Variants in FILIP1 observed in about 807,000 individuals in gnomAD.
FILIP1 encodes the protein filamin A interacting protein 1.
In FILIP1, 61 loss-of-function variants were observed where a neutral mutation model predicts 102.1. The observed-to-expected ratio is 0.60, with a 90% CI of 0.49 to 0.74. FILIP1 has a LOEUF of 0.74. Among genes scored for constraint, FILIP1 ranks in the 30% least tolerant of loss-of-function variants. The probability of loss-of-function intolerance (pLI) is 0.00; values close to 1 mark genes in which losing one functional copy is unlikely to be tolerated. For missense variants in FILIP1, 1,314 were observed against 1,441.2 expected (o/e 0.91, Z 1.43); for synonymous variants, 491 against 526.9 (o/e 0.93, Z 0.93).
chr6:75,421,517 C>A (rs1015097044), intron 1 of FILIP1, among the ~76,000 whole-genome samples: 9 of 152,108 alleles, frequency 5.9e-5, no homozygotes, highest in Non-Finnish European at 8.8e-5. Flanking sequence ...AAACTTGAGG[C>A]TGGAACTTCT....
At chr6:75,442,346 C>G (rs1157256367) in intron 1 of FILIP1, among the ~76,000 whole-genome samples, 1 of 152,030 alleles carries the variant, frequency 6.6e-6, no homozygotes, top group East Asian at 1.9e-4. Context: ...ACTTCCCAGA[C>G]GGGGTGGCGG....
chr6:75,479,783 C>T (rs948216975), intron 1 of FILIP1, among the ~76,000 whole-genome samples: 4 of 142,166 alleles, frequency 2.8e-5, no homozygotes, highest in South Asian at 2.3e-4. Context: ...GCATGAGAAT[C>T]GCTTGAATCC....
chr6:75,418,457 A>G (rs1330741158), intron 1 of FILIP1, among the ~76,000 whole-genome samples: 4 of 152,244 alleles, frequency 2.6e-5, no homozygotes, highest in Non-Finnish European at 5.9e-5. Flanking sequence ...CAGGATGTAA[A>G]GTCTGAACAG....
At chr6:75,448,040 C>T (rs1778496115) in intron 1 of FILIP1, among the ~76,000 whole-genome samples, 1 of 151,984 alleles carries the variant, frequency 6.6e-6, no homozygotes, top group Non-Finnish European at 1.5e-5. Flanking sequence ...TAGAATAATA[C>T]CCCCCACATA....
chr6:75,339,769 G>A (rs535750347), intron 4 of FILIP1, among the ~76,000 whole-genome samples: 8 of 152,188 alleles, frequency 5.3e-5, no homozygotes, highest in Non-Finnish European at 8.8e-5. Flanking sequence ...CCAATAGGGC[G>A]AAACCCAGTC....
intron 4 of FILIP1, among the ~76,000 whole-genome samples, chr6:75,323,568 T>A (rs1773733286): frequency 6.6e-6 from 1 of 151,970 alleles, no homozygotes; most frequent in Admixed American, 6.6e-5. Context: ...ACATTTCAGG[T>A]GGTGTTAGAG....
intron 4 of FILIP1, among the ~76,000 whole-genome samples, chr6:75,351,159 C>G (rs907578258): frequency 6.6e-6 from 1 of 152,088 alleles, no homozygotes; most frequent in Non-Finnish European, 1.5e-5. Flanking sequence ...CTCTGCCTCC[C>G]AGGTTCAAGC....
intron 1 of FILIP1, among the ~76,000 whole-genome samples, chr6:75,486,610 C>T (rs575264933): frequency 7.9e-5 from 12 of 152,156 alleles, no homozygotes; most frequent in African/African-American, 2.2e-4. Context: ...TTGAAACTAT[C>T]GAATAGATAA....
At chr6:75,355,863 T>C (rs1048487394) in intron 3 of FILIP1, among the ~76,000 whole-genome samples, 2 of 152,174 alleles carry the variant, frequency 1.3e-5, no homozygotes, top group Non-Finnish European at 2.9e-5. Context: ...CAGTATCCTA[T>C]TTTCCCCCTT....
intron 5 of FILIP1, among the ~76,000 whole-genome samples, chr6:75,310,533 T>G (rs2149543393): frequency 6.6e-6 from 1 of 152,356 alleles, no homozygotes; most frequent in South Asian, 2.1e-4. Context: ...GGTGGACCAT[T>G]CAGAACTTAG....
At chr6:75,319,492 T>G in intron 4 of FILIP1, 2 of 593,224 alleles carry the variant, frequency 3.4e-6, no homozygotes, top group Non-Finnish European at 6.6e-6. Context: ...CAAATTTTCC[T>G]TTCTCTTCAG....
intron 1 of FILIP1, among the ~76,000 whole-genome samples, chr6:75,485,496 G>C (rs182517352): frequency 5.1e-4 from 78 of 152,182 alleles, no homozygotes; most frequent in Middle Eastern, 3.4e-3. Context: ...TCACCTTCCT[G>C]GGATATTCAA....
chr6:75,380,287 A>G (rs1235551763), intron 2 of FILIP1, among the ~76,000 whole-genome samples: 5 of 152,174 alleles, frequency 3.3e-5, no homozygotes, highest in African/African-American at 7.2e-5. Context: ...GTTTACATAT[A>G]TCAGTGAGAA....
At chr6:75,434,239 G>A (rs1777936165) in intron 1 of FILIP1, among the ~76,000 whole-genome samples, 1 of 152,178 alleles carries the variant, frequency 6.6e-6, no homozygotes. Flanking sequence ...GTCATTGGTA[G>A]CTTGATGGGG....
At chr6:75,393,287 A>C (rs1480037871) in intron 2 of FILIP1, among the ~76,000 whole-genome samples, 3 of 152,020 alleles carry the variant, frequency 2.0e-5, no homozygotes, top group Non-Finnish European at 4.4e-5. Flanking sequence ...TTAATAAATA[A>C]AGTTATTCAT....
chr6:75,335,909 T>C (rs757297980), intron 4 of FILIP1, among the ~76,000 whole-genome samples: 1 of 152,204 alleles, frequency 6.6e-6, no homozygotes, highest in Non-Finnish European at 1.5e-5. Flanking sequence ...AACCTCTCAA[T>C]AGCCTGAACT....
intron 1 of FILIP1, among the ~76,000 whole-genome samples, chr6:75,490,199 A>C (rs1240544348): frequency 1.3e-5 from 2 of 152,164 alleles, no homozygotes; most frequent in Admixed American, 1.3e-4. Flanking sequence ...TAATGAACAT[A>C]TTAAATATTT....
chr6:75,465,660 T>C (rs193128198), intron 1 of FILIP1: 2 of 271,590 alleles, frequency 7.4e-6, no homozygotes, highest in Non-Finnish European at 1.4e-5. Context: ...GTGCATCTTA[T>C]AGACTTCAAA....
At chr6:75,363,098 T>C in intron 2 of FILIP1, 181 bp from the exon 3 acceptor site, 1 of 518,872 alleles carries the variant, frequency 1.9e-6, no homozygotes, top group East Asian at 2.9e-5. Flanking sequence ...GCAGATACTC[T>C]GCTTCAGGTT....
Sources: allele counts gnomAD v4.1 joint callset (sites outside exome capture counted in the v4.1 genomes callset), GRCh38; gene constraint gnomAD v4.1.1; transcripts MANE v1.5; gene names NCBI Gene and HGNC (gene_info 2026-07-23, HGNC 2026-07-21).